BSPH1: variants seen among roughly 807,000 people sequenced by gnomAD.
The protein encoded by BSPH1 is binder of sperm protein homolog 1, also known as binder of sperm 1.
BSPH1 carries 21 observed loss-of-function variants against 22.5 expected under a neutral mutation model. The observed-to-expected ratio is 0.93, with a 90% confidence interval of 0.66 to 1.35. The LOEUF is 1.35. Ranked by LOEUF, BSPH1 falls within the 40% of genes most tolerant of loss-of-function variation. The probability of loss-of-function intolerance (pLI) is 0.00; values close to 1 mark genes in which losing one functional copy is unlikely to be tolerated. For synonymous variants in BSPH1, 42 were observed against 53.6 expected, an observed-to-expected ratio of 0.78 and a Z score of 0.95; for missense variants, 141 against 154.2, an observed-to-expected ratio of 0.91 and a Z score of 0.45.
chr19:47,989,570 C>T (rs999700562), intron 1 of BSPH1, among the ~76,000 whole-genome samples: 1 of 151,956 alleles, frequency 6.6e-6, no homozygotes, highest in African/African-American at 2.4e-5. Context: ...CTCTGTCCCA[C>T]TTGACTGCTC....
intron 5 of BSPH1, among the ~76,000 whole-genome samples, chr19:47,971,543 T>C (rs1969311754): frequency 6.6e-6 from 1 of 152,256 alleles, no homozygotes; most frequent in South Asian, 2.1e-4. Flanking sequence ...TTTTATTGTC[T>C]GCACAGACTC....
chr19:47,982,909 T>C (rs1486264479), intron 1 of BSPH1, among the ~76,000 whole-genome samples: 1 of 152,108 alleles, frequency 6.6e-6, no homozygotes, highest in Non-Finnish European at 1.5e-5. Flanking sequence ...AATAGTCAAA[T>C]ACATAGAGAC....
rs1044766133 is a variant in BSPH1 at position 47,987,389 on chromosome 19, T to G, written c.73+4620A>C. Among the ~76,000 whole-genome samples the G allele has an allele frequency of 2.7e-5, 4 of 150,926 alleles. No individual in the cohort carries two copies. In the East Asian group the frequency reaches 7.7e-4, roughly 29 times the overall value. ...ACTACATGTACTTAGTACTTACTTT[T>G]TTTTTTTTTTTTTGGAGACAGAATC... is the stretch of plus-strand genomic sequence containing the variant. On this transcript the variant is annotated intron_variant, in intron 1 of 5. Transcript: ENST00000344839.
intron 5 of BSPH1, among the ~76,000 whole-genome samples, chr19:47,972,726 A>G (rs1331869761): frequency 7.0e-6 from 1 of 143,108 alleles, no homozygotes; most frequent in Non-Finnish European, 1.5e-5. Context: ...AGGTGGAGAG[A>G]GTGTTTATTT....
chr19:47,989,997 T>C (rs1470842396), intron 1 of BSPH1, among the ~76,000 whole-genome samples: 1 of 151,834 alleles, frequency 6.6e-6, no homozygotes, highest in Non-Finnish European at 1.5e-5. Flanking sequence ...CACGTGCCTT[T>C]AGTCCCAGCT....
At position 47,976,582 on chromosome 19, in the gene BSPH1, G is replaced by GAAAAA. The variant is rs770125279; in HGVS notation, c.*2+123_*2+127dup. On this transcript the variant is annotated intron_variant, in intron 5 of 5. Coordinates refer to ENST00000344839, the MANE Select transcript of BSPH1 (RefSeq NM_001128326.2). ...TAGATCACCTTCAACTCACATCCCA[G>GAAAAA]AAAAAAAAAAAAAACAAAAAAAAAC... is the stretch of plus-strand genomic sequence containing the variant. The GAAAAA allele has an allele frequency of 1.6e-3, 682 of 414,422 alleles. 6 individuals carry two copies. Among genetic ancestry groups the GAAAAA allele is most frequent in the South Asian group, 3.7e-3 (120 of 32,140 alleles). 25.7% of individuals were successfully genotyped at this position (414,422 alleles called of 1,614,324 possible).
chr19:47,988,391 G>A (rs541060194), intron 1 of BSPH1, among the ~76,000 whole-genome samples: 10 of 152,266 alleles, frequency 6.6e-5, no homozygotes, highest in Non-Finnish European at 1.2e-4. Context: ...TCAGATGTGG[G>A]AACTCACAGA....
At position 47,991,625 on chromosome 19, in the gene BSPH1, CCCT is replaced by C. The variant is rs1345752780; in HGVS notation, c.73+381_73+383del. Among the ~76,000 whole-genome samples, 5 of 63,352 alleles carry C rather than the reference CCCT, an allele frequency of 7.9e-5. No individual in the cohort carries two copies. In the East Asian group the frequency reaches 1.4e-3, roughly 18 times the overall value. 41.6% of individuals were successfully genotyped at this position (63,352 alleles called of 152,430 possible). On this transcript the variant is annotated intron_variant, in intron 1 of 5. Transcript: ENST00000344839. ...TCCTCCTCCCCCTCTTCCTCCTCTT[CCCT>C]CCTCCTCCTCCTTCCCCTCCTCCTC...
At chr19:47,991,763 CCTT>C (rs1341795611) in intron 1 of BSPH1, among the ~76,000 whole-genome samples, 1 of 102,636 alleles carries the variant, frequency 9.7e-6, no homozygotes, top group African/African-American at 3.4e-5. Context: ...TCCTCCTCTT[CCTT>C]CTTCACCTCC....
chr19:47,979,907 G>T (rs1436147893), intron 2 of BSPH1, among the ~76,000 whole-genome samples: 1 of 151,786 alleles, frequency 6.6e-6, no homozygotes, highest in Non-Finnish European at 1.5e-5. Flanking sequence ...TGTCCAGTTG[G>T]TTCTTATCAG....
rs760049119 is a variant in BSPH1, at chr19:47,970,360, A to G, written c.*3-2151T>C. Among the ~76,000 whole-genome samples the G allele has an allele frequency of 5.9e-5, 9 of 152,274 alleles. No individual in the cohort carries two copies. In the South Asian group the frequency reaches 8.3e-4, roughly 14 times the overall value. On this transcript the variant is annotated intron_variant, in intron 5 of 5. Coordinates refer to ENST00000344839, the MANE Select transcript of BSPH1 (RefSeq NM_001128326.2). Reference sequence around the variant, plus strand: ...AGGCATGAACGACTGCGCCTGGTCAACTTTAGAATTTATGAGACCAGTGTC... The same window carrying G: ...AGGCATGAACGACTGCGCCTGGTCAGCTTTAGAATTTATGAGACCAGTGTC...
chr19:47,972,366 C>T (rs1170501821), intron 5 of BSPH1, among the ~76,000 whole-genome samples: 3 of 149,824 alleles, frequency 2.0e-5, no homozygotes, highest in Non-Finnish European at 4.4e-5. Context: ...AGGGCTTTGG[C>T]GCACATATTA....
intron 1 of BSPH1, among the ~76,000 whole-genome samples, chr19:47,987,607 G>A (rs747290961): frequency 3.3e-5 from 5 of 152,030 alleles, no homozygotes; most frequent in African/African-American, 4.8e-5. Flanking sequence ...GGCTGGTCTC[G>A]AATTCCTGGG....
At chr19:47,983,758 C>T (rs902960843) in intron 1 of BSPH1, among the ~76,000 whole-genome samples, 1 of 151,910 alleles carries the variant, frequency 6.6e-6, no homozygotes, top group Non-Finnish European at 1.5e-5. Context: ...GTGAAAGATG[C>T]AAGAATGTAT....
chr19:47,986,199 G>T (rs140166918), intron 1 of BSPH1, among the ~76,000 whole-genome samples: 1 of 152,298 alleles, frequency 6.6e-6, no homozygotes, highest in African/African-American at 2.4e-5. Flanking sequence ...CAAGAGCTGG[G>T]TCAGGAGTCT....
In BSPH1 at chr19:47,984,151, GA is replaced by G. The variant is rs66621103; in HGVS notation, c.74-3211del. ...TGTAAGCCACCATGCCTGGCTTGAA[GA>G]AAAAAAAAAAAATATATATATATAT... On this transcript the variant is annotated intron_variant, in intron 1 of 5. Coordinates refer to ENST00000344839, the MANE Select transcript of BSPH1 (RefSeq NM_001128326.2). 9.0e-3 allele frequency among the ~76,000 whole-genome samples: 1,250 copies of G among 138,626 alleles called. 17 individuals are homozygous for G. Among genetic ancestry groups the G allele is most frequent in the Middle Eastern group, 0.038 (10 of 262 alleles). 90.9% of individuals were successfully genotyped at this position (138,626 alleles called of 152,430 possible). A position where few individuals can be genotyped will look rare whatever the true frequency, so the allele number is the denominator to read the frequency against.
At chr19:47,986,317 C>T (rs1969470542) in intron 1 of BSPH1, among the ~76,000 whole-genome samples, 1 of 152,184 alleles carries the variant, frequency 6.6e-6, no homozygotes, top group Admixed American at 6.5e-5. Flanking sequence ...TGGAAGAGCA[C>T]TGGTGAAGAG....
At chr19:47,973,135 T>G (rs143984843) in intron 5 of BSPH1, among the ~76,000 whole-genome samples, 15,583 of 151,010 alleles carry the variant, frequency 0.1, 1,012 homozygotes, top group East Asian at 0.28. Context: ...GAGAATGGTG[T>G]GAACCTGGGA....
chr19:47,977,311 T>C, intron 4 of BSPH1, 62 bp downstream of exon 4: 2 of 1,348,814 alleles, frequency 1.5e-6, no homozygotes, highest in Middle Eastern at 3.6e-4. Flanking sequence ...GTGTTTTGCC[T>C]CAGATCCCAG....
Sources: gnomAD v4.1 joint callset for allele counts (sites outside exome capture counted in the v4.1 genomes callset) on GRCh38, gnomAD v4.1.1 for gene constraint, MANE v1.5 for transcripts, NCBI Gene and HGNC (gene_info 2026-07-23, HGNC 2026-07-21) for gene names.